ABCA8: variants seen among roughly 807,000 people sequenced by gnomAD.
ABCA8 encodes the protein ABC-type organic anion transporter ABCA8.
ABCA8 carries 177 observed loss-of-function variants against 192.3 expected under a neutral mutation model. The observed-to-expected ratio is 0.92, with a 90% CI of 0.81 to 1.04. The LOEUF (loss-of-function observed/expected upper bound fraction) is 1.04, where lower values mean the gene tolerates loss of function less well. ABCA8 is among the 50% of genes least tolerant of loss of function. The probability of loss-of-function intolerance (pLI) is 0.00; values close to 1 mark genes in which losing one functional copy is unlikely to be tolerated. For missense variants in ABCA8, 1,915 were observed against 1,904.8 expected, an observed-to-expected ratio of 1.01 and a Z score of -0.10; for synonymous variants, 642 against 690.2, an observed-to-expected ratio of 0.93 and a Z score of 1.09.
chr17:68,884,698 C>T, intron 27 of ABCA8: 2 of 1,091,324 alleles, frequency 1.8e-6, no homozygotes, highest in Non-Finnish European at 1.1e-6. Context: ...CTTCACATAC[C>T]TTCCTGTGCC....
At chr17:68,890,451 CA>C (rs1298302660) in intron 24 of ABCA8, among the ~76,000 whole-genome samples, 7 of 152,128 alleles carry the variant, frequency 4.6e-5, no homozygotes, top group Non-Finnish European at 8.8e-5. Context: ...ATCTTTGTCA[CA>C]TATATAAGTA....
At chr17:68,895,629 T>A (rs1251266568) in intron 21 of ABCA8, among the ~76,000 whole-genome samples, 1 of 152,124 alleles carries the variant, frequency 6.6e-6, no homozygotes, top group African/African-American at 2.4e-5. Flanking sequence ...CCCACTTCCT[T>A]CCCAGATCTG....
At position 68,940,833 on chromosome 17, in the gene ABCA8, A is replaced by G; in HGVS notation, c.226T>C (p.Ser76Pro). Residue 76 changes from serine (S) to proline (P), a missense_variant, in exon 4 of 40, where the codon TCT (serine) becomes CCT (proline). By Grantham distance (74) the Ser-to-Pro change is moderately conservative. Transcript: ENST00000586539. ...RVDTFNESRF[S>P]VVYTPVTNTT... is the part of the protein sequence containing the mutation. ...TTGGTGACAGGTGTGTATACAACAG[A>G]AAATCTGGATTCATTAAATGTATCT... 1 of 1,613,608 alleles carries G rather than the reference A, an allele frequency of 6.2e-7. No homozygotes were observed. Among genetic ancestry groups the G allele is most frequent in the African/African-American group, 1.3e-5 (1 of 75,022 alleles).
intron 37 of ABCA8, among the ~76,000 whole-genome samples, chr17:68,874,573 G>T (rs1328606208): frequency 6.6e-6 from 1 of 152,186 alleles, no homozygotes; most frequent in African/African-American, 2.4e-5. Context: ...ACAGCCATGA[G>T]CTGGACATTG....
chr17:68,939,445 C>T (rs1279755540), intron 4 of ABCA8, among the ~76,000 whole-genome samples: 1 of 151,896 alleles, frequency 6.6e-6, no homozygotes, highest in Non-Finnish European at 1.5e-5. Flanking sequence ...GAGATTAGTT[C>T]TCGGTGAACC....
At chr17:68,922,192 CTCTTTTTTTTTTTTTTTTTTTTTTT>C in intron 12 of ABCA8, 25 bp downstream of exon 12, 1 of 477,716 alleles carries the variant, frequency 2.1e-6, no homozygotes, top group Non-Finnish European at 2.7e-6. Context: ...CTTTCTCTCT[CTCTTTTTTTTTTTTTTTTTTTTTTT>C]TTTTTTTTTT....
At chr17:68,903,163 C>T in intron 20 of ABCA8, 138 bp downstream of exon 20, 1 of 935,538 alleles carries the variant, frequency 1.1e-6, no homozygotes, top group Non-Finnish European at 1.6e-6. Context: ...CTCTCCTGTG[C>T]TTCTTCCACT....
At position 68,868,319 on chromosome 17, in the gene ABCA8, T is replaced by A. The variant is rs1418270548; in HGVS notation, c.4749A>T (p.Ser1583=). 6.2e-7 allele frequency: 1 copy of A among 1,613,690 alleles called. No homozygotes were observed. The highest frequency in any genetic ancestry group is 8.5e-7 in the Non-Finnish European group (1 of 1,179,764). ...GACCCACCTGCTCCAGGGTAGACTG[T>A]GAGAGGCTGTACTCCTCTAGGTCAA... The part of the protein sequence containing the change: ...QSFDLEEYSL[S]QSTLEQVFLE... The change falls in exon 39 of 40, where the codon TCA becomes TCT. Residue 1583 remains serine (S), a synonymous_variant. Coordinates refer to ENST00000586539, the MANE Select transcript of ABCA8 (RefSeq NM_001288985.2).
In ABCA8 at chr17:68,886,350, T is replaced by A. The variant is rs553120710; in HGVS notation, c.3429+667A>T. On this transcript the variant is annotated intron_variant, in intron 26 of 39. Transcript: ENST00000586539. ...TTTTTTGTCTATATCTAGGAGAGAT[T>A]ATTACCAGTTCCTAGGATCAGCTTG... 4.4e-4 allele frequency among the ~76,000 whole-genome samples: 67 copies of A among 152,296 alleles called. No individual in the cohort carries two copies. The Middle Eastern group carries it at 0.01, about 23-fold the overall frequency.
intron 37 of ABCA8, among the ~76,000 whole-genome samples, chr17:68,874,850 G>A (rs2066157880): frequency 2.6e-5 from 4 of 152,092 alleles, no homozygotes; most frequent in Admixed American, 2.0e-4. Context: ...AAATAATTAG[G>A]TTTACCTCTT....
At chr17:68,942,512 T>C (rs999083545) in intron 2 of ABCA8, among the ~76,000 whole-genome samples, 2 of 152,180 alleles carry the variant, frequency 1.3e-5, no homozygotes, top group African/African-American at 4.8e-5. Flanking sequence ...ACCTAGAGTG[T>C]GCAGGATTCA....
intron 37 of ABCA8, among the ~76,000 whole-genome samples, chr17:68,871,064 T>C (rs938267995): frequency 5.9e-5 from 9 of 152,204 alleles, no homozygotes; most frequent in Non-Finnish European, 8.8e-5. Flanking sequence ...TATGACACTA[T>C]ACCACAGACT....
intron 7 of ABCA8, among the ~76,000 whole-genome samples, chr17:68,930,907 A>G (rs547870535): frequency 1.3e-5 from 2 of 152,264 alleles, no homozygotes; most frequent in Non-Finnish European, 2.9e-5. Flanking sequence ...ACTCCCTGTA[A>G]ACATCACCTC....
At position 68,875,688 on chromosome 17, in the gene ABCA8, G is replaced by A. The variant is rs1177930445; in HGVS notation, c.4416C>T (p.Leu1472=). Residue 1472 remains leucine, a synonymous_variant, in exon 36 of 40, where the codon CTC becomes CTT. Transcript: ENST00000586539. ...CCTCTGCCATGTAGTGGGTGGTTAG[G>A]AGGGCACCCCTTTCCGTGTTTCTAA... ...ATFRNTERGA[L]LTTHYMAEAE... 1.2e-6 allele frequency: 2 copies of A among 1,614,184 alleles called. No homozygotes were observed. Among genetic ancestry groups the A allele is most frequent in the East Asian group, 2.2e-5 (1 of 44,886 alleles).
intron 2 of ABCA8, among the ~76,000 whole-genome samples, chr17:68,945,085 G>A (rs902521100): frequency 6.6e-6 from 1 of 152,150 alleles, no homozygotes; most frequent in Non-Finnish European, 1.5e-5. Context: ...GGAAGGGTAA[G>A]ATAATGGAGG....
chr17:68,884,459 T>C, intron 27 of ABCA8, 63 bp from the exon 28 acceptor site: 1 of 1,513,086 alleles, frequency 6.6e-7, no homozygotes. Context: ...TGTCCACATA[T>C]ACGTGAATTG....
Position 68,891,500 on chromosome 17 carries a change from C to T in ABCA8, c.3133G>A (p.Asp1045Asn), listed in dbSNP as rs1438074348. 6.2e-6 allele frequency: 10 copies of T among 1,609,996 alleles called. No homozygotes were observed. In the Middle Eastern group the frequency reaches 4.9e-4, roughly 80 times the overall value. Reference sequence around the variant, plus strand: ...TTACTCATTATTACCTTATAATCATCGATGCTGCTCATGGCAATGTAAGGT... The same window carrying T: ...TTACTCATTATTACCTTATAATCATTGATGCTGCTCATGGCAATGTAAGGT... Reference protein sequence around the residue: ...CPPYIAMSSIDDYKNRARSQL... With the variant: ...CPPYIAMSSINDYKNRARSQL... The change falls in exon 24 of 40, where the codon GAT (aspartate) becomes AAT (asparagine). Residue 1045 changes from aspartate to asparagine, a missense_variant. Transcript: ENST00000586539.
chr17:68,895,129 A>G, intron 21 of ABCA8, 116 bp from the exon 22 acceptor site: 1 of 726,900 alleles, frequency 1.4e-6, no homozygotes, highest in African/African-American at 1.8e-5. Flanking sequence ...CTGTCAGGAT[A>G]TTTTCTACAT....
chr17:68,890,029 T>C (rs2066586940), intron 24 of ABCA8, among the ~76,000 whole-genome samples: 1 of 152,220 alleles, frequency 6.6e-6, no homozygotes, highest in Non-Finnish European at 1.5e-5. Context: ...CTCAAGTGTT[T>C]ATGTGGAAAG....
Sources: allele counts gnomAD v4.1 joint callset (sites outside exome capture counted in the v4.1 genomes callset), GRCh38; gene constraint gnomAD v4.1.1; transcripts MANE v1.5; gene names NCBI Gene and HGNC (gene_info 2026-07-23, HGNC 2026-07-21).